BHMT2: variants seen among roughly 807,000 people sequenced by gnomAD.
The protein encoded by BHMT2 is betaine--homocysteine S-methyltransferase 2, also known as S-methylmethionine--homocysteine S-methyltransferase BHMT2.
In BHMT2, 28 loss-of-function variants were observed where a neutral mutation model predicts 39.0. The ratio of observed to expected loss-of-function variants is 0.72; its 90% CI spans 0.53 to 0.98. The LOEUF (loss-of-function observed/expected upper bound fraction) is 0.98. Among genes scored for constraint, BHMT2 ranks in the 50% least tolerant of loss-of-function variants. BHMT2 has a pLI of 0.00. For synonymous variants in BHMT2, 145 were observed against 160.6 expected, an observed-to-expected ratio of 0.90 and a Z score of 0.74; for missense variants, 410 against 455.6, an observed-to-expected ratio of 0.90 and a Z score of 0.91.
At chr5:79,082,553 T>C (rs903925839) in intron 4 of BHMT2, 4 of 284,998 alleles carry the variant, frequency 1.4e-5, no homozygotes, top group African/African-American at 8.7e-5. Context: ...TTTCTTCTTT[T>C]TTACTAATAG....
intron 5 of BHMT2, 44 bp downstream of exon 5, chr5:79,083,000 A>C (rs780189120): frequency 8.7e-6 from 14 of 1,609,626 alleles, no homozygotes; most frequent in Non-Finnish European, 1.1e-5. Context: ...GTTGTTGCTT[A>C]CGAAATTTAA....
At chr5:79,077,880 C>T (rs1175276235) in intron 2 of BHMT2, 4 of 272,378 alleles carry the variant, frequency 1.5e-5, no homozygotes, top group East Asian at 7.1e-5. Flanking sequence ...CATGCACTCA[C>T]ACCCCAACCC....
chr5:79,074,239 T>C (rs1755631078), intron 1 of BHMT2, among the ~76,000 whole-genome samples: 1 of 152,220 alleles, frequency 6.6e-6, no homozygotes, highest in South Asian at 2.1e-4. Context: ...GAGTGGTTTG[T>C]ACTTCTGCAG....
chr5:79,073,653 A>G (rs1755621763), intron 1 of BHMT2, among the ~76,000 whole-genome samples: 1 of 152,250 alleles, frequency 6.6e-6, no homozygotes, highest in African/African-American at 2.4e-5. Flanking sequence ...TTTCTTCTGC[A>G]TTCAGCTAAA....
chr5:79,079,386 GAAT>G lies in BHMT2; in HGVS notation c.185_187del (p.Glu62_Phe63delinsVal). The stretch of plus-strand genomic sequence containing the variant: ...CTTTGTAGTTCGTCAACTTCACATG[GAAT>G]TCTTGAGAGCAGGATCAAATGTCAT... On this transcript the variant is annotated inframe_deletion, in exon 3 of 8. Transcript: ENST00000255192. 8.1e-6 allele frequency: 13 copies of G among 1,613,204 alleles called. No individual in the cohort carries two copies. Among genetic ancestry groups the G allele is most frequent in the Non-Finnish European group, 1.1e-5 (13 of 1,179,482 alleles).
At position 79,079,460 on chromosome 5, in the gene BHMT2, G is replaced by C. The variant is rs1755741931; in HGVS notation, c.258G>C (p.Lys86Asn). The change falls in exon 3 of 8, where the codon AAG becomes AAC. Residue 86 changes from lysine to asparagine, a missense_variant and splice_region_variant. Coordinates refer to ENST00000255192, the MANE Select transcript of BHMT2 (RefSeq NM_017614.5). ...FSASEDNMESKWEDVNAAACD... is the reference protein window; with the variant it reads ...FSASEDNMESNWEDVNAAACD... ...CCAGTGAGGACAATATGGAAAGCAA[G>C]GTAAACGGCAATGGCTGGGTGTGGG... is the stretch of plus-strand genomic sequence containing the variant. 6.2e-7 allele frequency: 1 copy of C among 1,609,554 alleles called. No homozygotes were observed. Among genetic ancestry groups the C allele is most frequent in the South Asian group, 1.1e-5 (1 of 90,834 alleles).
chr5:79,080,675 C>G lies in BHMT2; in HGVS notation c.259-12C>G. On this transcript the variant is annotated splice_polypyrimidine_tract_variant and intron_variant, in intron 3 of 7. Coordinates refer to ENST00000255192, the MANE Select transcript of BHMT2 (RefSeq NM_017614.5). The stretch of plus-strand genomic sequence containing the variant: ...TAGGCTCACTATCTGAACTCTTGCT[C>G]TCTAACCTCAGTGGGAAGATGTAAA... The G allele has an allele frequency of 1.9e-6, 3 of 1,575,014 alleles. No homozygotes were observed. Among genetic ancestry groups the G allele is most frequent in the Non-Finnish European group, 2.6e-6 (3 of 1,168,420 alleles).
At chr5:79,082,607 T>G in intron 4 of BHMT2, 2 of 493,978 alleles carry the variant, frequency 4.0e-6, no homozygotes, top group Non-Finnish European at 3.5e-6. Context: ...AAAAACTATA[T>G]GTTATTGTTA....
chr5:79,073,375 AT>A (rs985417750), intron 1 of BHMT2, among the ~76,000 whole-genome samples: 1 of 152,136 alleles, frequency 6.6e-6, no homozygotes, highest in Non-Finnish European at 1.5e-5. Flanking sequence ...CCTGTGTAGC[AT>A]TTATTGGTCA....
At position 79,083,361 on chromosome 5, in the gene BHMT2, A is replaced by G; in HGVS notation, c.768A>G (p.Pro256=). The part of the protein sequence containing the change: ...DCGKEGFVDL[P]EYPFGLESRV... ...GCAAAGAGGGGTTTGTGGATCTCCC[A>G]GAATATCCCTTTGGTAAGCTCAGGT... Residue 256 remains proline (P), a synonymous_variant, in exon 6 of 8, where the codon CCA becomes CCG. Coordinates refer to ENST00000255192, the MANE Select transcript of BHMT2 (RefSeq NM_017614.5). 6.3e-7 allele frequency: 1 copy of G among 1,598,876 alleles called. No individual in the cohort carries two copies. Among genetic ancestry groups the G allele is most frequent in the Non-Finnish European group, 8.5e-7 (1 of 1,171,804 alleles).
At chr5:79,076,757 T>TG (rs1258200713) in intron 1 of BHMT2, among the ~76,000 whole-genome samples, 1 of 152,196 alleles carries the variant, frequency 6.6e-6, no homozygotes, top group African/African-American at 2.4e-5. Context: ...ACACACTGCA[T>TG]GACTACAAAG....
At position 79,079,349 on chromosome 5, in the gene BHMT2, A is replaced by G. The variant is rs1454065632; in HGVS notation, c.167-20A>G. 1.3e-6 allele frequency: 2 copies of G among 1,563,008 alleles called. No homozygotes were observed. Among genetic ancestry groups the G allele is most frequent in the African/African-American group, 2.7e-5 (2 of 73,492 alleles). On this transcript the variant is annotated intron_variant, in intron 2 of 7. Coordinates refer to ENST00000255192, the MANE Select transcript of BHMT2 (RefSeq NM_017614.5). The stretch of plus-strand genomic sequence containing the variant: ...TCTTTATTCATTTATTTCAATGTTT[A>G]AAACCCAACTACTTTGTAGTTCGTC...
intron 4 of BHMT2, 198 bp from the exon 5 acceptor site, chr5:79,082,611 A>C: frequency 2.0e-6 from 1 of 512,798 alleles, no homozygotes. Flanking sequence ...ACTATATGTT[A>C]TTGTTATAGG....
chr5:79,075,657 G>A (rs1263373279), intron 1 of BHMT2, among the ~76,000 whole-genome samples: 1 of 152,166 alleles, frequency 6.6e-6, no homozygotes, highest in African/African-American at 2.4e-5. Flanking sequence ...GGAGGAGTGG[G>A]TGGTTTGCAT....
Position 79,080,794 on chromosome 5 carries a change from G to A in BHMT2, c.366G>A (p.Gln122=), listed in dbSNP as rs1395396490. 1 of 1,606,816 alleles carries A rather than the reference G, an allele frequency of 6.2e-7. No individual in the cohort carries two copies. The highest frequency in any genetic ancestry group is 1.7e-5 in the Admixed American group (1 of 58,158). The change falls in exon 4 of 8, where the codon CAG becomes CAA. Residue 122 remains glutamine (Q), a synonymous_variant. Transcript: ENST00000255192. The part of the protein sequence containing the change: ...GICQTSIYKY[Q]KDEARIKKLF... ...GCCAGACATCAATATACAAATACCA[G>A]AAGGATGAAGCTAGAATTAAAAAAC...
intron 3 of BHMT2, among the ~76,000 whole-genome samples, chr5:79,079,892 CA>C (rs897196950): frequency 6.7e-6 from 1 of 149,922 alleles, no homozygotes; most frequent in South Asian, 2.1e-4. Flanking sequence ...CCCATGTCAG[CA>C]AAAAAAAAGA....
chr5:79,083,202 C>T lies in BHMT2; in HGVS notation c.609C>T (p.Ile203=). The change falls in exon 6 of 8, where the codon ATC becomes ATT. Residue 203 remains isoleucine, a synonymous_variant. Coordinates refer to ENST00000255192, the MANE Select transcript of BHMT2 (RefSeq NM_017614.5). ...AVRLVKAGAS[I]VGVNCRFGPD... ...TATTTCTTTGCACAGGGGCTTCCAT[C>T]GTTGGCGTGAACTGCCGCTTTGGGC... 2.5e-6 allele frequency: 4 copies of T among 1,614,046 alleles called. No individual in the cohort carries two copies. Among genetic ancestry groups the T allele is most frequent in the Middle Eastern group, 1.7e-4 (1 of 6,060 alleles).
In BHMT2 at chr5:79,080,753, G is replaced by A; in HGVS notation, c.325G>A (p.Val109Ile). ...AGTGGCTGGCAAAGGTGATGCTTTG[G>A]TAGCAGGGGGGATCTGCCAGACATC... ...REVAGKGDAL[V>I]AGGICQTSIY... The change falls in exon 4 of 8, where the codon GTA becomes ATA. Residue 109 changes from valine to isoleucine, a missense_variant. Transcript: ENST00000255192. 1 of 1,604,280 alleles carries A rather than the reference G, an allele frequency of 6.2e-7. No homozygotes were observed. Among genetic ancestry groups the A allele is most frequent in the East Asian group, 2.3e-5 (1 of 44,070 alleles).
rs527759331 is a variant in BHMT2, at chr5:79,069,991, C to T, written c.33+176C>T. Among the ~76,000 whole-genome samples the T allele has an allele frequency of 1.3e-4, 20 of 152,306 alleles. No homozygotes were observed. In the South Asian group the frequency reaches 3.7e-3, roughly 28 times the overall value. On this transcript the variant is annotated intron_variant, in intron 1 of 7. Coordinates refer to ENST00000255192, the MANE Select transcript of BHMT2 (RefSeq NM_017614.5). Reference sequence around the variant, plus strand: ...CGGGTTGGTTAGCGTTTATGGAGCCCTTACTCGGTGCCTGGCGCTGCACAG... The same window carrying T: ...CGGGTTGGTTAGCGTTTATGGAGCCTTTACTCGGTGCCTGGCGCTGCACAG...
Sources: allele counts gnomAD v4.1 joint callset (sites outside exome capture counted in the v4.1 genomes callset), GRCh38; gene constraint gnomAD v4.1.1; transcripts MANE v1.5; gene names NCBI Gene and HGNC (gene_info 2026-07-23, HGNC 2026-07-21).